Variants in KCNIP1 observed in about 807,000 individuals in gnomAD.
The protein encoded by KCNIP1 is potassium voltage-gated channel interacting protein 1.
Under a neutral mutation model 33.0 loss-of-function variants are expected in KCNIP1, and 18 were observed. The ratio of observed to expected loss-of-function variants is 0.55; its 90% confidence interval spans 0.38 to 0.81. The LOEUF (loss-of-function observed/expected upper bound fraction) is 0.81. Ranked by LOEUF, KCNIP1 falls within the 30% of genes least tolerant of loss-of-function variation. The pLI is 0.00. For synonymous variants in KCNIP1, 93 were observed against 98.3 expected (o/e 0.95, Z 0.32); for missense variants, 238 against 271.6 (o/e 0.88, Z 0.87).
At chr5:170,563,533 T>C (rs1757105183) in intron 1 of KCNIP1, among the ~76,000 whole-genome samples, 1 of 152,256 alleles carries the variant, frequency 6.6e-6, no homozygotes, top group Admixed American at 6.5e-5. Context: ...ATTTCCTTTG[T>C]ATTGCTCTCA....
chr5:170,411,589 G>C (rs1332195231), intron 1 of KCNIP1, among the ~76,000 whole-genome samples: 1 of 152,114 alleles, frequency 6.6e-6, no homozygotes, highest in Admixed American at 6.5e-5. Flanking sequence ...AAGGAATTTG[G>C]ATTTTATCAA....
chr5:170,581,238 A>G (rs558653262), intron 1 of KCNIP1, among the ~76,000 whole-genome samples: 2 of 152,356 alleles, frequency 1.3e-5, no homozygotes, highest in African/African-American at 4.8e-5. Flanking sequence ...ACATGAAGAC[A>G]CCGAGGCCTG....
intron 5 of KCNIP1, among the ~76,000 whole-genome samples, chr5:170,731,742 G>T (rs1764210310): frequency 6.6e-6 from 1 of 150,382 alleles, no homozygotes; most frequent in Admixed American, 6.6e-5. Context: ...AACTCATACA[G>T]ATTAGAAGAG....
At chr5:170,551,805 G>A (rs1418371274) in intron 1 of KCNIP1, among the ~76,000 whole-genome samples, 7 of 151,908 alleles carry the variant, frequency 4.6e-5, no homozygotes, top group Admixed American at 1.3e-4. Context: ...AAGTATGTGT[G>A]TGAATGTGAG....
At chr5:170,625,415 G>A (rs1266190386) in intron 1 of KCNIP1, among the ~76,000 whole-genome samples, 1 of 152,166 alleles carries the variant, frequency 6.6e-6, no homozygotes, top group Non-Finnish European at 1.5e-5. Flanking sequence ...CCCTGGCTGC[G>A]GCGTAAGCTA....
In KCNIP1 at chr5:170,723,926, G is replaced by T. The variant is rs140634690; in HGVS notation, c.435+1106G>T. ...CTTCATGTGTTTCAAAAACAGAAAG[G>T]CTTCAGATGGCTGCAGATGAAGGTA... On this transcript the variant is annotated intron_variant, in intron 5 of 7. Coordinates refer to ENST00000328939, the MANE Select transcript of KCNIP1 (RefSeq NM_014592.4). Among the ~76,000 whole-genome samples, 513 of 152,308 alleles carry T rather than the reference G, an allele frequency of 3.4e-3. 3 individuals carry two copies. The highest frequency in any genetic ancestry group is 0.012 in the African/African-American group (490 of 41,554).
chr5:170,457,452 G>A (rs1756410137), intron 1 of KCNIP1, among the ~76,000 whole-genome samples: 1 of 152,124 alleles, frequency 6.6e-6, no homozygotes. Flanking sequence ...GCAGGACCTG[G>A]GAGACACCTC....
intron 1 of KCNIP1, among the ~76,000 whole-genome samples, chr5:170,703,208 T>C (rs1763158045): frequency 7.3e-6 from 1 of 137,324 alleles, no homozygotes; most frequent in African/African-American, 2.7e-5. Context: ...ACCAAACACA[T>C]AAAAGTCACT....
intron 1 of KCNIP1, among the ~76,000 whole-genome samples, chr5:170,381,524 G>A (rs900032736): frequency 1.7e-4 from 26 of 152,312 alleles, no homozygotes; most frequent in African/African-American, 2.6e-4. Flanking sequence ...GGACATAGGC[G>A]GAAGGAGCAG....
intron 1 of KCNIP1, among the ~76,000 whole-genome samples, chr5:170,576,741 G>A (rs1757618239): frequency 6.6e-6 from 1 of 152,268 alleles, no homozygotes; most frequent in South Asian, 2.1e-4. Flanking sequence ...CTGTCACAAA[G>A]TACATGCCTA....
At chr5:170,529,455 G>A (rs1052424292) in intron 1 of KCNIP1, among the ~76,000 whole-genome samples, 4 of 152,216 alleles carry the variant, frequency 2.6e-5, no homozygotes, top group African/African-American at 7.2e-5. Flanking sequence ...TATTTGTGGG[G>A]AGGTGTGGGA....
chr5:170,388,551 T>G (rs1484287166), intron 1 of KCNIP1, among the ~76,000 whole-genome samples: 2 of 152,194 alleles, frequency 1.3e-5, no homozygotes, highest in African/African-American at 2.4e-5. Flanking sequence ...CTGGGATAGA[T>G]TCAGAGAAGA....
intron 1 of KCNIP1, among the ~76,000 whole-genome samples, chr5:170,427,181 G>A (rs1183262792): frequency 6.6e-6 from 1 of 152,232 alleles, no homozygotes; most frequent in Non-Finnish European, 1.5e-5. Context: ...TCCTCTGCAA[G>A]TCACAGCCTT....
intron 1 of KCNIP1, among the ~76,000 whole-genome samples, chr5:170,547,477 C>G (rs1309477578): frequency 1.3e-5 from 2 of 152,034 alleles, no homozygotes; most frequent in East Asian, 3.9e-4. Context: ...TTTCATCATC[C>G]ACATATTAAG....
chr5:170,619,437 G>A (rs1759519538), intron 1 of KCNIP1, among the ~76,000 whole-genome samples: 1 of 152,160 alleles, frequency 6.6e-6, no homozygotes, highest in Non-Finnish European at 1.5e-5. Flanking sequence ...GGACACAAAG[G>A]TTTGCCAGGA....
intron 5 of KCNIP1, among the ~76,000 whole-genome samples, chr5:170,726,351 T>A (rs925061167): frequency 1.3e-5 from 2 of 152,118 alleles, no homozygotes; most frequent in Non-Finnish European, 2.9e-5. Flanking sequence ...AAAGAAGATA[T>A]ATGAATGGCC....
intron 1 of KCNIP1, among the ~76,000 whole-genome samples, chr5:170,596,601 G>T (rs1444667198): frequency 6.6e-6 from 1 of 152,230 alleles, no homozygotes; most frequent in East Asian, 1.9e-4. Context: ...AGGAGCGCCA[G>T]CTCTGCCAGC....
At chr5:170,523,064 C>G (rs747850985) in intron 1 of KCNIP1, among the ~76,000 whole-genome samples, 9 of 152,152 alleles carry the variant, frequency 5.9e-5, no homozygotes, top group South Asian at 2.1e-4. Context: ...TTTTTTCTCT[C>G]TAGGTCATAA....
intron 1 of KCNIP1, among the ~76,000 whole-genome samples, chr5:170,461,464 C>T (rs1021184420): frequency 3.3e-5 from 5 of 152,062 alleles, no homozygotes; most frequent in African/African-American, 1.2e-4. Flanking sequence ...AAAATAGGCA[C>T]ATAGGGTTGG....
Sources: gnomAD v4.1 joint callset for allele counts (sites outside exome capture counted in the v4.1 genomes callset) on GRCh38, gnomAD v4.1.1 for gene constraint, MANE v1.5 for transcripts, NCBI Gene and HGNC (gene_info 2026-07-23, HGNC 2026-07-21) for gene names.